The following LAMA2 variants were observed in gnomAD, a reference collection of about 807,000 sequenced individuals.
LAMA2 encodes laminin subunit alpha 2.
Under a neutral mutation model 364.8 loss-of-function variants are expected in LAMA2, and 269 were observed. That is an observed-to-expected ratio of 0.74 (90% CI 0.67 to 0.82). The LOEUF is 0.82. Among genes scored for constraint, LAMA2 ranks in the 40% least tolerant of loss-of-function variants. LAMA2 has a pLI of 0.00. For synonymous variants in LAMA2, 1,379 were observed against 1,370.6 expected, an observed-to-expected ratio of 1.01 and a Z score of -0.14; for missense variants, 3,807 against 3,873.2, an observed-to-expected ratio of 0.98 and a Z score of 0.45.
At chr6:129,407,776 G>T (rs765833035) in intron 40 of LAMA2, among the ~76,000 whole-genome samples, 20 of 152,184 alleles carry the variant, frequency 1.3e-4, no homozygotes, top group Non-Finnish European at 2.8e-4. Flanking sequence ...GATTGGGTTG[G>T]ATTGGGTTGT....
chr6:129,495,417 A>G (rs1281009890), intron 58 of LAMA2, among the ~76,000 whole-genome samples: 3 of 152,134 alleles, frequency 2.0e-5, no homozygotes, highest in African/African-American at 7.2e-5. Flanking sequence ...TATGGCACCT[A>G]CTGCTCAAAA....
chr6:129,185,898 G>A (rs1482475060), intron 10 of LAMA2, among the ~76,000 whole-genome samples: 1 of 151,736 alleles, frequency 6.6e-6, no homozygotes, highest in Admixed American at 6.6e-5. Flanking sequence ...TTGGTTTTAA[G>A]AAAATATGGT....
chr6:129,186,205 CA>C (rs1224738626), intron 10 of LAMA2, among the ~76,000 whole-genome samples: 1 of 149,672 alleles, frequency 6.7e-6, no homozygotes, highest in African/African-American at 2.4e-5. Context: ...TATAGATAAA[CA>C]AAAAAAGAAA....
At chr6:129,317,899 CTT>C (rs200870111) in intron 27 of LAMA2, among the ~76,000 whole-genome samples, 2 of 144,606 alleles carry the variant, frequency 1.4e-5, no homozygotes. Flanking sequence ...GACACTTTGT[CTT>C]TTTTTTTTTT....
intron 1 of LAMA2, among the ~76,000 whole-genome samples, chr6:128,911,407 C>G (rs541241989): frequency 1.3e-5 from 2 of 152,250 alleles, no homozygotes; most frequent in South Asian, 4.1e-4. Flanking sequence ...TTTCCAGGTG[C>G]CGCCCATCAC....
At chr6:129,483,845 T>A (rs777232802) in intron 55 of LAMA2, among the ~76,000 whole-genome samples, 3 of 152,180 alleles carry the variant, frequency 2.0e-5, no homozygotes, top group African/African-American at 2.4e-5. Context: ...TAAGTGGCAT[T>A]GCATTTCATT....
intron 1 of LAMA2, among the ~76,000 whole-genome samples, chr6:129,004,294 C>G (rs1234248136): frequency 1.7e-5 from 1 of 60,544 alleles, no homozygotes; most frequent in East Asian, 2.8e-4. Flanking sequence ...GGGAGATATA[C>G]CTAATGCTAG....
rs1010725883 is a variant in LAMA2, at chr6:129,161,019, A to AT, written c.1207-4550dup. Among the ~76,000 whole-genome samples, 8 of 151,844 alleles carry AT rather than the reference A, an allele frequency of 5.3e-5. No individual in the cohort carries two copies. In the East Asian group the frequency reaches 9.7e-4, roughly 18 times the overall value. ...GATTATGGATTCCTACCTTTCTTTC[A>AT]TTTTTTTCAGTATTTCTTCCTGTTC... On this transcript the variant is annotated intron_variant, in intron 8 of 64. Transcript: ENST00000421865.
intron 1 of LAMA2, among the ~76,000 whole-genome samples, chr6:128,914,206 A>G (rs1301493085): frequency 6.6e-6 from 1 of 152,144 alleles, no homozygotes; most frequent in African/African-American, 2.4e-5. Context: ...TTTTACTGTC[A>G]CAACTCCCAA....
intron 58 of LAMA2, among the ~76,000 whole-genome samples, chr6:129,495,217 T>A (rs1286929811): frequency 1.3e-5 from 2 of 152,206 alleles, no homozygotes; most frequent in African/African-American, 2.4e-5. Flanking sequence ...ATGATTGTAT[T>A]TCTATAGGCA....
intron 55 of LAMA2, among the ~76,000 whole-genome samples, chr6:129,485,267 A>G (rs191683137): frequency 1.2e-4 from 18 of 152,354 alleles, no homozygotes; most frequent in Admixed American, 5.9e-4. Context: ...AGATAAAAGA[A>G]ATGAATGTGA....
chr6:129,427,807 G>T lies in LAMA2; in HGVS notation c.5921G>T (p.Ser1974Ile). 6.2e-7 allele frequency: 1 copy of T among 1,613,904 alleles called. No homozygotes were observed. The highest frequency in any genetic ancestry group is 1.1e-5 in the South Asian group (1 of 91,080). ...GATGCCAAAGGCTGTCTTCAGAAAA[G>T]CTTCAGGATTCTTAACGAAGCCAAG... is the stretch of plus-strand genomic sequence containing the variant. Reference protein sequence around the residue: ...KEDAKGCLQKSFRILNEAKKL... With the variant: ...KEDAKGCLQKIFRILNEAKKL... Residue 1974 changes from serine (S) to isoleucine (I), a missense_variant, in exon 41 of 65, where the codon AGC (serine) becomes ATC (isoleucine). Physicochemically the swap from Ser to Ile is moderately radical, Grantham distance 142. Coordinates refer to ENST00000421865, the MANE Select transcript of LAMA2 (RefSeq NM_000426.4).
intron 56 of LAMA2, among the ~76,000 whole-genome samples, chr6:129,490,505 A>G (rs899937612): frequency 7.2e-5 from 11 of 152,208 alleles, no homozygotes; most frequent in African/African-American, 2.7e-4. Context: ...TAAAATTCTA[A>G]TCAAGAACAG....
intron 1 of LAMA2, among the ~76,000 whole-genome samples, chr6:128,893,817 A>T (rs1415553524): frequency 5.3e-5 from 8 of 152,122 alleles, no homozygotes; most frequent in Non-Finnish European, 1.0e-4. Context: ...AAACAATTAC[A>T]TGTTGACAAA....
intron 1 of LAMA2, among the ~76,000 whole-genome samples, chr6:128,928,661 T>TA (rs1419490788): frequency 2.0e-5 from 3 of 152,338 alleles, no homozygotes; most frequent in Admixed American, 1.3e-4. Context: ...TCCAAAGTGT[T>TA]AAAAAGTCTT....
At chr6:129,355,575 A>C (rs185832161) in intron 32 of LAMA2, among the ~76,000 whole-genome samples, 1 of 152,282 alleles carries the variant, frequency 6.6e-6, no homozygotes, top group Admixed American at 6.5e-5. Flanking sequence ...TAGCACATGT[A>C]ATCATGGTGG....
intron 42 of LAMA2, among the ~76,000 whole-genome samples, chr6:129,440,155 A>G (rs1215022240): frequency 6.6e-6 from 1 of 152,120 alleles, no homozygotes; most frequent in Non-Finnish European, 1.5e-5. Context: ...GATCTTAACC[A>G]CTAACCTATA....
intron 14 of LAMA2, among the ~76,000 whole-genome samples, chr6:129,255,796 A>G (rs1425620499): frequency 1.3e-5 from 2 of 152,152 alleles, no homozygotes; most frequent in African/African-American, 2.4e-5. Context: ...TACACAGTAT[A>G]CCTCTGCCTT....
At chr6:129,345,050 G>C (rs889737678) in intron 30 of LAMA2, among the ~76,000 whole-genome samples, 3 of 152,200 alleles carry the variant, frequency 2.0e-5, no homozygotes, top group Admixed American at 2.0e-4. Context: ...TGGCTTGGCA[G>C]AGTCTGATTG....
Sources: gnomAD v4.1 joint callset for allele counts (sites outside exome capture counted in the v4.1 genomes callset) on GRCh38, gnomAD v4.1.1 for gene constraint, MANE v1.5 for transcripts, NCBI Gene and HGNC (gene_info 2026-07-23, HGNC 2026-07-21) for gene names.